The following PCSK7 variants were observed in gnomAD, a reference collection of about 807,000 sequenced individuals.
PCSK7 encodes the protein proprotein convertase subtilisin/kexin type 7.
Under a neutral mutation model 73.3 loss-of-function variants are expected in PCSK7, and 38 were observed. The observed-to-expected ratio is 0.52, with a 90% CI of 0.40 to 0.68. The LOEUF (loss-of-function observed/expected upper bound fraction) is 0.68. Ranked by LOEUF, PCSK7 falls within the 30% of genes least tolerant of loss-of-function variation. The pLI, the probability that PCSK7 is intolerant of heterozygous loss-of-function variation, is 0.00. For synonymous variants in PCSK7, 296 were observed against 383.8 expected (o/e 0.77, Z 2.68); for missense variants, 692 against 991.5 (o/e 0.70, Z 4.06).
chr11:117,227,443 C>T, intron 4 of PCSK7, 121 bp from the exon 5 acceptor site: 1 of 771,252 alleles, frequency 1.3e-6, no homozygotes. Context: ...AAGCTCATTT[C>T]TCATCGTTTC....
intron 3 of PCSK7, 68 bp from the exon 4 acceptor site, chr11:117,228,418 T>C: frequency 2.1e-6 from 3 of 1,448,818 alleles, no homozygotes; most frequent in Non-Finnish European, 2.9e-6. Flanking sequence ...AAGTTATAGC[T>C]AGCAGCCCCT....
At chr11:117,224,295 A>AC in intron 7 of PCSK7, 79 bp from the exon 8 acceptor site, 5 of 1,443,802 alleles carry the variant, frequency 3.5e-6, no homozygotes, top group Non-Finnish European at 4.8e-6. Flanking sequence ...CACCCTCTCC[A>AC]CCCCTTCTAG....
Position 117,227,332 on chromosome 11 carries a change from T to A in PCSK7, c.604-10A>T. On this transcript the variant is annotated splice_polypyrimidine_tract_variant and intron_variant, in intron 4 of 16. Transcript: ENST00000320934. ...AGCTACCCTCAGGGCTCTGAAATAT[T>A]TTGGAGGTGACATGTGGTCATTCAC... The A allele has an allele frequency of 6.2e-7, 1 of 1,611,112 alleles. No individual in the cohort carries two copies. Among genetic ancestry groups the A allele is most frequent in the Non-Finnish European group, 8.5e-7 (1 of 1,177,322 alleles).
In PCSK7 at chr11:117,219,595, G is replaced by C; in HGVS notation, c.1319C>G (p.Thr440Ser). The change falls in exon 10 of 17, where the codon ACC becomes AGC. Residue 440 changes from threonine to serine, a missense_variant. Around this residue, in one of 6 missense-constraint regions of PCSK7, gnomAD observed 574 missense variants for 689.8 expected, o/e 0.83. Transcript: ENST00000320934. ...DVQHIIVFTA[T>S]RYEDRRAEWV... ...GTCTACCTGCTGGTATCTCACCCGG[G>C]TGGCTGTGAAGACAATGATGTGCTG... 6.2e-7 allele frequency: 1 copy of C among 1,612,532 alleles called. No individual in the cohort carries two copies. The highest frequency in any genetic ancestry group is 8.5e-7 in the Non-Finnish European group (1 of 1,179,504).
At chr11:117,215,380 G>GTGTGTGTGTATATATATATATA (rs1164738557) in intron 12 of PCSK7, 1 of 55,890 alleles carries the variant, frequency 1.8e-5, no homozygotes, top group Non-Finnish European at 2.8e-5. Flanking sequence ...GTGTGTGTGT[G>GTGTGTGTGTATATATATATATA]TATATATATA....
chr11:117,227,725 G>A (rs1415314149), intron 4 of PCSK7, among the ~76,000 whole-genome samples: 1 of 152,206 alleles, frequency 6.6e-6, no homozygotes, highest in Non-Finnish European at 1.5e-5. Flanking sequence ...ACAGGCGTGA[G>A]CCACCGCGCC....
intron 3 of PCSK7, among the ~76,000 whole-genome samples, chr11:117,228,823 T>C (rs1044585545): frequency 2.2e-4 from 33 of 152,254 alleles, no homozygotes; most frequent in African/African-American, 7.5e-4. Flanking sequence ...GGTTTCACTG[T>C]GTTAGCCAGG....
chr11:117,218,979 C>T lies in PCSK7; in HGVS notation c.1431+78G>A. ...AACATTTACTAGGCACCTATGATAT[C>T]CCAGGCAGTTTGGGGCATTCAGCTC... On this transcript the variant is annotated intron_variant, in intron 11 of 16. Transcript: ENST00000320934. The surrounding 1 kb of genome is among the most constrained non-coding windows in gnomAD (Gnocchi z 4.0). The T allele has an allele frequency of 1.2e-6, 1 of 850,504 alleles. No individual in the cohort carries two copies. Among genetic ancestry groups the T allele is most frequent in the Non-Finnish European group, 1.9e-6 (1 of 536,484 alleles). The allele number at this position is 850,504 out of a possible 1,614,324, so 52.7% of individuals were successfully genotyped here.
Position 117,215,364 on chromosome 11 carries a change from T to TTTTTTTTTGTGTGTGTGTG in PCSK7, c.1534+3101_1534+3102insCACACACACACAAAAAAAA. The TTTTTTTTTGTGTGTGTGTG allele has an allele frequency of 2.4e-5, 2 of 84,902 alleles. 1 individual carries two copies. Among genetic ancestry groups the TTTTTTTTTGTGTGTGTGTG allele is most frequent in the African/African-American group, 1.5e-4 (2 of 13,312 alleles). The allele number at this position is 84,902 out of a possible 1,614,324, so 5.3% of individuals were successfully genotyped here. On this transcript the variant is annotated intron_variant, in intron 12 of 16. Transcript: ENST00000320934. ...GCACGTGCCACCATGCCTGGCTAATTTGTGTGTGTGTGTGTGTATATATAT... is the reference window on the plus strand; with the variant it reads ...GCACGTGCCACCATGCCTGGCTAATTTTTTTTTTGTGTGTGTGTGTGTGTGTGTGTGTGTGTATATATAT...
Position 117,218,441 on chromosome 11 carries a change from A to T in PCSK7, c.1534+25T>A. On this transcript the variant is annotated intron_variant, in intron 12 of 16. Coordinates refer to ENST00000320934, the MANE Select transcript of PCSK7 (RefSeq NM_004716.4). This position sits in a 1 kb window ranked among gnomAD's most constrained non-coding sequence, Gnocchi z 4.0. ...GGCCCCAAACCTCAGGCCTAAGATT[A>T]ACCCCCTTTGTGCTGATTACTTACC... 1 of 1,332,264 alleles carries T rather than the reference A, an allele frequency of 7.5e-7. No individual in the cohort carries two copies. The highest frequency in any genetic ancestry group is 1.0e-6 in the Non-Finnish European group (1 of 957,218). 82.5% of individuals were successfully genotyped at this position (1,332,264 alleles called of 1,614,324 possible).
chr11:117,209,781 T>C (rs1281915434), intron 12 of PCSK7: 4 of 152,992 alleles, frequency 2.6e-5, no homozygotes, highest in Admixed American at 2.0e-4. Context: ...GAGGTGGAGA[T>C]TGCAGTGAGC....
chr11:117,215,380 G>GTGTGTGTGGGTGTGTATTTATA (rs1164738557), intron 12 of PCSK7: 1 of 55,900 alleles, frequency 1.8e-5, no homozygotes, highest in Non-Finnish European at 2.8e-5. Context: ...GTGTGTGTGT[G>GTGTGTGTGGGTGTGTATTTATA]TATATATATA....
intron 1 of PCSK7, among the ~76,000 whole-genome samples, chr11:117,231,547 A>T (rs2032667851): frequency 6.6e-6 from 1 of 152,174 alleles, no homozygotes; most frequent in Non-Finnish European, 1.5e-5. Context: ...GAAGAAAGAG[A>T]AGCAGGAGCT....
rs753137392 is a variant in PCSK7, at chr11:117,218,453, G to A, written c.1534+13C>T. On this transcript the variant is annotated intron_variant, in intron 12 of 16. Coordinates refer to ENST00000320934, the MANE Select transcript of PCSK7 (RefSeq NM_004716.4). This position sits in a 1 kb window ranked among gnomAD's most constrained non-coding sequence, Gnocchi z 4.0. ...CAGGCCTAAGATTAACCCCCTTTGTGCTGATTACTTACCATTCCACAGGAC... is the reference window on the plus strand; with the variant it reads ...CAGGCCTAAGATTAACCCCCTTTGTACTGATTACTTACCATTCCACAGGAC... The A allele has an allele frequency of 6.6e-7, 1 of 1,504,798 alleles. No individual in the cohort carries two copies. 93.2% of individuals were successfully genotyped at this position (1,504,798 alleles called of 1,614,324 possible). A position where few individuals can be genotyped will look rare whatever the true frequency, so the allele number is the denominator to read the frequency against.
chr11:117,219,185 GT>G, intron 10 of PCSK7, 21 bp from the exon 11 acceptor site: 1 of 1,550,824 alleles, frequency 6.4e-7, no homozygotes, highest in Non-Finnish European at 8.8e-7. Flanking sequence ...AGAGGTCCTG[GT>G]TAGTCTCTTG....
chr11:117,204,425 C>T lies in PCSK7; in HGVS notation c.*1572G>A. 6.2e-7 allele frequency: 1 copy of T among 1,609,136 alleles called. No homozygotes were observed. Among genetic ancestry groups the T allele is most frequent in the Non-Finnish European group, 8.5e-7 (1 of 1,177,124 alleles). The stretch of plus-strand genomic sequence containing the variant: ...CCTTGGCTGCAGCCATCCCGCTTAG[C>T]CTGCCTCACCCACACCCGTGTGGTA... On this transcript the variant is annotated 3_prime_UTR_variant, in exon 17 of 17. Transcript: ENST00000320934.
chr11:117,224,792 G>A (rs1488712254), intron 6 of PCSK7, 37 bp from the exon 7 acceptor site: 2 of 1,543,752 alleles, frequency 1.3e-6, no homozygotes, highest in Non-Finnish European at 1.8e-6. Flanking sequence ...GACAGCCAGA[G>A]CCAGGCTGCG....
chr11:117,215,273 G>A (rs1436469441), intron 12 of PCSK7: 4 of 150,888 alleles, frequency 2.7e-5, no homozygotes, highest in Non-Finnish European at 1.5e-5. Context: ...TTGGCTCACT[G>A]CAACTTCTGC....
intron 12 of PCSK7, chr11:117,215,364 T>TTTTTTTTTTTTGTG (rs57433360): frequency 5.9e-5 from 5 of 84,918 alleles, no homozygotes; most frequent in Admixed American, 1.2e-4. Flanking sequence ...CCTGGCTAAT[T>TTTTTTTTTTTTGTG]TGTGTGTGTG....
Sources: allele counts gnomAD v4.1 joint callset (sites outside exome capture counted in the v4.1 genomes callset), GRCh38; gene constraint gnomAD v4.1.1; regional missense constraint gnomAD v4.1.1; non-coding constraint Gnocchi (gnomAD v3.1); transcripts MANE v1.5; gene names NCBI Gene and HGNC (gene_info 2026-07-23, HGNC 2026-07-21).